Variants in POLR2D observed in about 807,000 individuals in gnomAD.
The protein encoded by POLR2D is DNA-directed RNA polymerase II subunit RPB4.
A neutral mutation model predicts 17.6 loss-of-function variants in POLR2D; 10 were observed. The observed-to-expected ratio is 0.57, with a 90% CI of 0.35 to 0.96. The LOEUF is 0.96. Among genes scored for constraint, POLR2D ranks in the 40% least tolerant of loss-of-function variants. POLR2D has a pLI of 0.02. For synonymous variants in POLR2D, 52 were observed against 60.2 expected (o/e 0.86, Z 0.63); for missense variants, 126 against 176.4 (o/e 0.71, Z 1.62).
rs1002878998 is a variant in POLR2D at position 127,858,081 on chromosome 2, T to A, written c.20A>T (p.Asp7Val). ...CTCCTCTACGTCGCCAGCCCGCGGA[T>A]CGCTGCCACCCGCCGCCATCGCCGC... MAAGGS[D>V]PRAGDVEEDA... Residue 7 changes from aspartate to valine, a missense_variant, in exon 1 of 4, where the codon GAT (aspartate) becomes GTT (valine). By Grantham distance (152) the Asp-to-Val change is radical (BLOSUM62 -3). Coordinates refer to ENST00000272645, the MANE Select transcript of POLR2D (RefSeq NM_004805.4). 2.0e-6 allele frequency: 3 copies of A among 1,533,872 alleles called. No homozygotes were observed. The highest frequency in any genetic ancestry group is 2.7e-5 in the East Asian group (1 of 36,954).
intron 2 of POLR2D, among the ~76,000 whole-genome samples, chr2:127,851,798 G>GT (rs200930178): frequency 2.0e-5 from 3 of 151,732 alleles, no homozygotes; most frequent in Non-Finnish European, 4.4e-5. Context: ...CGAGGACTTT[G>GT]TTTTTTTTGA....
rs1028393039 is a variant in POLR2D, at chr2:127,852,425, T to G, written c.254+500A>C. The stretch of plus-strand genomic sequence containing the variant: ...ACCTGGCTAATTTCTGTATTTTTTT[T>G]GTAGGGACACGAGTTTCACCATGTT... On this transcript the variant is annotated intron_variant, in intron 2 of 3. Transcript: ENST00000272645. This position sits in a 1 kb window ranked among gnomAD's most constrained non-coding sequence, Gnocchi z 4.0. 6.6e-6 allele frequency among the ~76,000 whole-genome samples: 1 copy of G among 151,970 alleles called. No homozygotes were observed. Among genetic ancestry groups the G allele is most frequent in the Non-Finnish European group, 1.5e-5 (1 of 67,978 alleles).
intron 2 of POLR2D, among the ~76,000 whole-genome samples, chr2:127,851,596 T>C (rs1041341863): frequency 1.3e-5 from 2 of 151,940 alleles, no homozygotes; most frequent in Non-Finnish European, 2.9e-5. Flanking sequence ...AATAAATACA[T>C]AAAATAAAAA....
At chr2:127,851,343 T>C (rs913351442) in intron 2 of POLR2D, among the ~76,000 whole-genome samples, 3 of 152,100 alleles carry the variant, frequency 2.0e-5, no homozygotes, top group African/African-American at 4.8e-5. Context: ...TGCTTTAACC[T>C]GGGAGGTGGA....
At chr2:127,848,324 A>T (rs1021720585) in intron 3 of POLR2D, 139 bp from the exon 4 acceptor site, 5 of 589,556 alleles carry the variant, frequency 8.5e-6, no homozygotes, top group Non-Finnish European at 1.2e-5. Context: ...TTTCCTGATA[A>T]AACATTACAA....
rs1690104704 is a variant in POLR2D at position 127,843,638 on chromosome 2, C to T, written c.*4469G>A. 6.6e-6 allele frequency: 1 copy of T among 152,410 alleles called. No individual in the cohort carries two copies. Among genetic ancestry groups the T allele is most frequent in the African/African-American group, 2.4e-5 (1 of 41,412 alleles). The allele number at this position is 152,410 out of a possible 1,614,324, so 9.4% of individuals were successfully genotyped here. Reference sequence around the variant, plus strand: ...ATCCAGTATGCTATTTTTCATGCCTCAGGTCTAATAAATCTTAATAAAACC... The same window carrying T: ...ATCCAGTATGCTATTTTTCATGCCTTAGGTCTAATAAATCTTAATAAAACC... On this transcript the variant is annotated 3_prime_UTR_variant, in exon 4 of 4. Coordinates refer to ENST00000272645, the MANE Select transcript of POLR2D (RefSeq NM_004805.4).
Position 127,844,106 on chromosome 2 carries a change from C to CAAAAAAAAAAAA in POLR2D, c.*4000_*4001insTTTTTTTTTTTT, listed in dbSNP as rs1690111181. 5.0e-5 allele frequency: 2 copies of CAAAAAAAAAAAA among 40,270 alleles called. No individual in the cohort carries two copies. Among genetic ancestry groups the CAAAAAAAAAAAA allele is most frequent in the East Asian group, 8.3e-4 (2 of 2,418 alleles). 2.5% of individuals were successfully genotyped at this position (40,270 alleles called of 1,614,324 possible). ...GCGACAGAGCAAGATCCTGCTGTAT[C>CAAAAAAAAAAAA]CAAAAAAAAAAAAAAAAAAAGCCTG... On this transcript the variant is annotated 3_prime_UTR_variant, in exon 4 of 4. Coordinates refer to ENST00000272645, the MANE Select transcript of POLR2D (RefSeq NM_004805.4).
At chr2:127,851,214 T>A (rs1006376378) in intron 2 of POLR2D, among the ~76,000 whole-genome samples, 5 of 151,768 alleles carry the variant, frequency 3.3e-5, no homozygotes, top group Non-Finnish European at 7.4e-5. Context: ...AGACTCCGTC[T>A]CAAAACAGAC....
intron 3 of POLR2D, among the ~76,000 whole-genome samples, chr2:127,850,174 C>T (rs998219467): frequency 6.6e-6 from 1 of 152,114 alleles, no homozygotes; most frequent in African/African-American, 2.4e-5. Flanking sequence ...GGCACGGTGG[C>T]TCACGCCTGT....
chr2:127,853,528 G>C (rs559115028), intron 1 of POLR2D, among the ~76,000 whole-genome samples: 1 of 152,098 alleles, frequency 6.6e-6, no homozygotes, highest in South Asian at 2.1e-4. Flanking sequence ...CTCCATCCAT[G>C]TTGCTGCAAA....
At chr2:127,854,359 A>G (rs1323837625) in intron 1 of POLR2D, among the ~76,000 whole-genome samples, 3 of 152,210 alleles carry the variant, frequency 2.0e-5, no homozygotes, top group Non-Finnish European at 4.4e-5. Context: ...CTTTCTCTTA[A>G]CAGTGAGTTC....
chr2:127,844,107 C>CAAAAAACAAAAAAAAAAA lies in POLR2D; in HGVS notation c.*3999_*4000insTTTTTTTTTTTGTTTTTT, dbSNP rs1690111441. 1.4e-5 allele frequency: 1 copy of CAAAAAACAAAAAAAAAAA among 69,478 alleles called. No homozygotes were observed. Among genetic ancestry groups the CAAAAAACAAAAAAAAAAA allele is most frequent in the Non-Finnish European group, 2.6e-5 (1 of 38,374 alleles). The allele number at this position is 69,478 out of a possible 1,614,324, so 4.3% of individuals were successfully genotyped here. On this transcript the variant is annotated 3_prime_UTR_variant, in exon 4 of 4. Coordinates refer to ENST00000272645, the MANE Select transcript of POLR2D (RefSeq NM_004805.4). ...CGACAGAGCAAGATCCTGCTGTATCCAAAAAAAAAAAAAAAAAAAGCCTGG... is the reference window on the plus strand; with the variant it reads ...CGACAGAGCAAGATCCTGCTGTATCCAAAAAACAAAAAAAAAAAAAAAAAAAAAAAAAAAAAAGCCTGG...
In POLR2D at chr2:127,845,626, C is replaced by G. The variant is rs1013946080; in HGVS notation, c.*2481G>C. 3.3e-5 allele frequency: 5 copies of G among 152,108 alleles called. No individual in the cohort carries two copies. The highest frequency in any genetic ancestry group is 1.9e-4 in the East Asian group (1 of 5,180). The allele number at this position is 152,108 out of a possible 1,614,324, so 9.4% of individuals were successfully genotyped here. Reference sequence around the variant, plus strand: ...CCAACCTCAGGTGATCCGCCTGCCTCGGCCTCTGAAAGCGCTGGGATTACA... The same window carrying G: ...CCAACCTCAGGTGATCCGCCTGCCTGGGCCTCTGAAAGCGCTGGGATTACA... On this transcript the variant is annotated 3_prime_UTR_variant, in exon 4 of 4. Coordinates refer to ENST00000272645, the MANE Select transcript of POLR2D (RefSeq NM_004805.4).
At chr2:127,857,774 T>C in intron 1 of POLR2D, 4 of 1,280,798 alleles carry the variant, frequency 3.1e-6, no homozygotes, top group South Asian at 2.2e-5. Context: ...ACCACCTGAG[T>C]GTCCGGCTTT....
chr2:127,854,849 C>T (rs1690303618), intron 1 of POLR2D, among the ~76,000 whole-genome samples: 1 of 151,928 alleles, frequency 6.6e-6, no homozygotes, highest in African/African-American at 2.4e-5. Context: ...ATTTGTATAC[C>T]AGGAAAGTTA....
Position 127,845,331 on chromosome 2 carries a change from T to TA in POLR2D, c.*2775dup, listed in dbSNP as rs1690133999. ...AATGACATGCAAATTCATCAAGCAT[T>TA]AAAAAACGAAAGTTAACTGTAGATT... On this transcript the variant is annotated 3_prime_UTR_variant, in exon 4 of 4. Transcript: ENST00000272645. The TA allele has an allele frequency of 6.9e-6, 1 of 144,214 alleles. No homozygotes were observed. Among genetic ancestry groups the TA allele is most frequent in the African/African-American group, 2.7e-5 (1 of 37,494 alleles). 8.9% of individuals were successfully genotyped at this position (144,214 alleles called of 1,614,324 possible).
In POLR2D at chr2:127,847,797, T is replaced by C. The variant is rs974183092; in HGVS notation, c.*310A>G. The C allele has an allele frequency of 2.6e-5, 9 of 348,802 alleles. No homozygotes were observed. The highest frequency in any genetic ancestry group is 1.5e-4 in the African/African-American group (7 of 46,022). 21.6% of individuals were successfully genotyped at this position (348,802 alleles called of 1,614,324 possible). On this transcript the variant is annotated 3_prime_UTR_variant, in exon 4 of 4. Coordinates refer to ENST00000272645, the MANE Select transcript of POLR2D (RefSeq NM_004805.4). Reference sequence around the variant, plus strand: ...CATGAAATATTAAGAAAAAAGATGATGTGGAGGCCAAAAACCAGGAATGAG... The same window carrying C: ...CATGAAATATTAAGAAAAAAGATGACGTGGAGGCCAAAAACCAGGAATGAG...
At position 127,852,675 on chromosome 2, in the gene POLR2D, C is replaced by T. The variant is rs115719676; in HGVS notation, c.254+250G>A. On this transcript the variant is annotated intron_variant, in intron 2 of 3. Transcript: ENST00000272645. The surrounding 1 kb of genome is among the most constrained non-coding windows in gnomAD (Gnocchi z 4.0). The stretch of plus-strand genomic sequence containing the variant: ...GAGCAGCTAGGATTAATGGTGTGTA[C>T]CACCAGCTAATTTTTTGCATTTTTA... Among the ~76,000 whole-genome samples the T allele has an allele frequency of 9.6e-3, 1,460 of 152,240 alleles. 12 individuals are homozygous for T. Among genetic ancestry groups the T allele is most frequent in the Non-Finnish European group, 0.015 (1,047 of 68,028 alleles).
chr2:127,858,072 G>C lies in POLR2D; in HGVS notation c.29C>G (p.Ala10Gly). Residue 10 changes from alanine to glycine, a missense_variant, in exon 1 of 4, where the codon GCT becomes GGT. Physicochemically the swap from Ala to Gly is moderately conservative, Grantham distance 60. Transcript: ENST00000272645. ...TGAGGCGTCCTCCTCTACGTCGCCA[G>C]CCCGCGGATCGCTGCCACCCGCCGC... MAAGGSDPR[A>G]GDVEEDASQL... The C allele has an allele frequency of 1.3e-6, 2 of 1,545,726 alleles. No individual in the cohort carries two copies. Among genetic ancestry groups the C allele is most frequent in the Non-Finnish European group, 1.7e-6 (2 of 1,149,630 alleles).
Sources: gnomAD v4.1 joint callset for allele counts (sites outside exome capture counted in the v4.1 genomes callset) on GRCh38, gnomAD v4.1.1 for gene constraint, Gnocchi (gnomAD v3.1) non-coding constraint, MANE v1.5 for transcripts, NCBI Gene and HGNC (gene_info 2026-07-23, HGNC 2026-07-21) for gene names.